SPG7: variants seen among roughly 807,000 people sequenced by gnomAD.
SPG7 encodes the protein mitochondrial inner membrane m-AAA protease component paraplegin.
Under a neutral mutation model 81.9 loss-of-function variants are expected in SPG7, and 103 were observed. The ratio of observed to expected loss-of-function variants is 1.26; its 90% CI spans 1.07 to 1.48. The LOEUF is 1.48. Ranked by LOEUF, SPG7 falls within the 40% of genes most tolerant of loss-of-function variation. The probability of loss-of-function intolerance (pLI) is 0.00; values close to 1 mark genes in which losing one functional copy is unlikely to be tolerated. For missense variants in SPG7, 1,241 were observed against 1,087.3 expected, an observed-to-expected ratio of 1.14 and a Z score of -1.99; for synonymous variants, 534 against 444.2, an observed-to-expected ratio of 1.20 and a Z score of -2.54.
chr16:89,524,182 G>A lies in SPG7; in HGVS notation c.553G>A (p.Val185Met). The A allele has an allele frequency of 6.2e-7, 1 of 1,614,054 alleles. No individual in the cohort carries two copies. The highest frequency in any genetic ancestry group is 8.5e-7 in the Non-Finnish European group (1 of 1,180,018). Reference sequence around the variant, plus strand: ...CAAGGGCGAGGTGCAGCGCGTCCAGGTGGTGCCTGAGAGCGACGTGGTGGA... The same window carrying A: ...CAAGGGCGAGGTGCAGCGCGTCCAGATGGTGCCTGAGAGCGACGTGGTGGA... The part of the protein sequence containing the change: ...LAKGEVQRVQ[V>M]VPESDVVEVY... The change falls in exon 4 of 17, where the codon GTG (valine) becomes ATG (methionine). Residue 185 changes from valine to methionine, a missense_variant. By Grantham distance (21) the Val-to-Met change is conservative. Coordinates refer to ENST00000645818, the MANE Select transcript of SPG7 (RefSeq NM_003119.4).
rs143316463 is a variant in SPG7 at position 89,549,058 on chromosome 16, C to T, written c.1663+945C>T. On this transcript the variant is annotated intron_variant, in intron 12 of 16. Coordinates refer to ENST00000645818, the MANE Select transcript of SPG7 (RefSeq NM_003119.4). Reference sequence around the variant, plus strand: ...AGCTGCTGTGCCAGACACTGCAAAACACACCTGGCTTCTCTCCGACAGCCC... The same window carrying T: ...AGCTGCTGTGCCAGACACTGCAAAATACACCTGGCTTCTCTCCGACAGCCC... 1.8e-3 allele frequency: 830 copies of T among 456,340 alleles called. 6 individuals carry two copies. The highest frequency in any genetic ancestry group is 0.015 in the African/African-American group (771 of 50,218). 28.3% of individuals were successfully genotyped at this position (456,340 alleles called of 1,614,324 possible).
chr16:89,510,599 A>G lies in SPG7; in HGVS notation c.286+7A>G. ...AGACTCTGGCAACTTTTAGGTATGT[A>G]TCTGTTTAAAGAAGCAGCTGAGCAT... On this transcript the variant is annotated splice_region_variant and intron_variant, in intron 2 of 16. Transcript: ENST00000645818. 6.4e-7 allele frequency: 1 copy of G among 1,562,070 alleles called. No individual in the cohort carries two copies. Among genetic ancestry groups the G allele is most frequent in the Non-Finnish European group, 8.8e-7 (1 of 1,132,910 alleles).
intron 3 of SPG7, among the ~76,000 whole-genome samples, chr16:89,514,151 T>G (rs561048413): frequency 6.6e-6 from 1 of 152,222 alleles, no homozygotes; most frequent in South Asian, 2.1e-4. Context: ...TAGGCTCATC[T>G]TCAGCTTACT....
chr16:89,544,378 G>A (rs1338674833), intron 9 of SPG7: 1 of 431,550 alleles, frequency 2.3e-6, no homozygotes, highest in Non-Finnish European at 4.4e-6. Flanking sequence ...GCAGGGAGAG[G>A]CTCCAGGATG....
intron 9 of SPG7, among the ~76,000 whole-genome samples, chr16:89,536,071 G>T (rs12443843): frequency 2.6e-3 from 198 of 74,832 alleles, no homozygotes; most frequent in African/African-American, 0.01. Context: ...CAGTGTGGCC[G>T]CTCTGGTGCT....
rs749367697 is a variant in SPG7 at position 89,546,692 on chromosome 16, G to T, written c.1484G>T (p.Ser495Ile). The T allele has an allele frequency of 6.8e-6, 11 of 1,613,662 alleles. No homozygotes were observed. Among genetic ancestry groups the T allele is most frequent in the Non-Finnish European group, 8.5e-6 (10 of 1,179,798 alleles). Residue 495 changes from serine to isoleucine, a missense_variant, in exon 11 of 17, where the codon AGC becomes ATC. By Grantham distance (142) the Ser-to-Ile change is moderately radical. Coordinates refer to ENST00000645818, the MANE Select transcript of SPG7 (RefSeq NM_003119.4). Reference protein sequence around the residue: ...RREIFEQHLKSLKLTQSSTFY... With the variant: ...RREIFEQHLKILKLTQSSTFY... Reference sequence around the variant, plus strand: ...GAGATTTTTGAGCAGCACCTGAAGAGCCTGAAGCTGACCCAGTCCAGCACC... The same window carrying T: ...GAGATTTTTGAGCAGCACCTGAAGATCCTGAAGCTGACCCAGTCCAGCACC...
chr16:89,541,234 C>T (rs1421215055), intron 9 of SPG7: 2 of 984,644 alleles, frequency 2.0e-6, no homozygotes, highest in African/African-American at 1.8e-5. Flanking sequence ...GTATCCTTAT[C>T]ACGGTGTTCT....
rs1284559348 is a variant in SPG7 at position 89,530,732 on chromosome 16, A to G, written c.911A>G (p.Lys304Arg). 13 of 1,614,182 alleles carry G rather than the reference A, an allele frequency of 8.1e-6. No individual in the cohort carries two copies. Among genetic ancestry groups the G allele is most frequent in the Non-Finnish European group, 1.1e-5 (13 of 1,180,036 alleles). The change falls in exon 7 of 17, where the codon AAA becomes AGA. Residue 304 changes from lysine (K) to arginine (R), a missense_variant. Lys to Arg is a conservative substitution (Grantham distance 26). Transcript: ENST00000645818. ...ACCATTGTGGATGGGAAGATGGGGA[A>G]AGGAGTCAGCTTCAAAGACGTGGCA... is the stretch of plus-strand genomic sequence containing the variant. ...RFTIVDGKMG[K>R]GVSFKDVAGM...
At chr16:89,528,652 GCTGGAGTGCAGT>G (rs2058301471) in intron 5 of SPG7, 3 of 150,162 alleles carry the variant, frequency 2.0e-5, no homozygotes, top group Non-Finnish European at 4.4e-5. Flanking sequence ...TGTCGCCCAG[GCTGGAGTGCAGT>G]GGTGCAATCT....
chr16:89,514,742 C>T (rs1267364382), intron 3 of SPG7, among the ~76,000 whole-genome samples: 1 of 151,968 alleles, frequency 6.6e-6, no homozygotes, highest in African/African-American at 2.4e-5. Flanking sequence ...TTGTGATCTG[C>T]TCACCTTGGC....
intron 1 of SPG7, among the ~76,000 whole-genome samples, chr16:89,509,213 T>C (rs565045992): frequency 6.6e-6 from 1 of 152,286 alleles, no homozygotes; most frequent in South Asian, 2.1e-4. Flanking sequence ...TTTTTTCTCC[T>C]AGCCCTCGCC....
chr16:89,517,777 G>T (rs7192801), intron 3 of SPG7: 20,059 of 152,128 alleles, frequency 0.13, 1,681 homozygotes, highest in Middle Eastern at 0.2. Flanking sequence ...CCGCAACCAT[G>T]CCCGGCTAAT....
rs1183956723 is a variant in SPG7 at position 89,508,522 on chromosome 16, C to G, written c.105C>G (p.Ala35=). Reference sequence around the variant, plus strand: ...CGGCCTGGAGTCCAGGGTTCCCCGCCAGGCCCGGGAGGGGGCGGCCGTACA... The same window carrying G: ...CGGCCTGGAGTCCAGGGTTCCCCGCGAGGCCCGGGAGGGGGCGGCCGTACA... ...PGPAWSPGFP[A]RPGRGRPYMA... The change falls in exon 1 of 17, where the codon GCC becomes GCG. Residue 35 remains alanine, a synonymous_variant. Transcript: ENST00000645818. The G allele has an allele frequency of 6.6e-7, 1 of 1,514,718 alleles. No individual in the cohort carries two copies. The highest frequency in any genetic ancestry group is 8.8e-7 in the Non-Finnish European group (1 of 1,137,278). 93.8% of individuals were successfully genotyped at this position (1,514,718 alleles called of 1,614,324 possible).
At chr16:89,556,695 T>A in intron 16 of SPG7, 192 bp from the exon 17 acceptor site, 1 of 620,264 alleles carries the variant, frequency 1.6e-6, no homozygotes, top group Admixed American at 2.8e-5. Flanking sequence ...CGCCGGAAAA[T>A]CATTTATGAG....
At chr16:89,554,296 G>C (rs2058666060) in intron 15 of SPG7, among the ~76,000 whole-genome samples, 190 bp from the exon 16 acceptor site, 1 of 151,216 alleles carries the variant, frequency 6.6e-6, no homozygotes, top group Admixed American at 6.6e-5. Context: ...GTGTGGGTGG[G>C]TGGGCTGGCA....
intron 3 of SPG7, 133 bp downstream of exon 3, chr16:89,513,170 C>G (rs1047132897): frequency 5.9e-6 from 8 of 1,344,720 alleles, no homozygotes; most frequent in South Asian, 5.0e-5. Context: ...CACTTGTAAT[C>G]GAAACGCTTT....
intron 4 of SPG7, among the ~76,000 whole-genome samples, chr16:89,525,645 G>A (rs11643271): frequency 0.13 from 20,051 of 152,200 alleles, 1,658 homozygotes; most frequent in Middle Eastern, 0.2. Flanking sequence ...CTAAACATGC[G>A]GAGTTTACTT....
rs1363262927 is a variant in SPG7 at position 89,512,944 on chromosome 16, A to G, written c.287-4A>G. On this transcript the variant is annotated splice_region_variant and splice_polypyrimidine_tract_variant and intron_variant, in intron 2 of 16. Coordinates refer to ENST00000645818, the MANE Select transcript of SPG7 (RefSeq NM_003119.4). ...TTGTTAAATCCTTTCTCTATTTCTC[A>G]TAGGTGGTACTTTCTATTTTAACAC... is the stretch of plus-strand genomic sequence containing the variant. The G allele has an allele frequency of 2.5e-6, 4 of 1,612,834 alleles. No individual in the cohort carries two copies. Among genetic ancestry groups the G allele is most frequent in the East Asian group, 2.2e-5 (1 of 44,864 alleles).
intron 11 of SPG7, 120 bp from the exon 12 acceptor site, chr16:89,547,883 G>A: frequency 2.5e-6 from 2 of 795,318 alleles, no homozygotes; most frequent in Non-Finnish European, 2.2e-6. Flanking sequence ...AAAGTGCTGG[G>A]ATTACAGGGG....
Sources: gnomAD v4.1 joint callset for allele counts (sites outside exome capture counted in the v4.1 genomes callset) on GRCh38, gnomAD v4.1.1 for gene constraint, MANE v1.5 for transcripts, NCBI Gene and HGNC (gene_info 2026-07-23, HGNC 2026-07-21) for gene names.